The following ALLC variants were observed in gnomAD, a reference collection of about 807,000 sequenced individuals.
ALLC encodes probable inactive allantoicase.
Under a neutral mutation model 45.0 loss-of-function variants are expected in ALLC, and 40 were observed. The ratio of observed to expected loss-of-function variants is 0.89; its 90% confidence interval spans 0.69 to 1.16. The LOEUF (loss-of-function observed/expected upper bound fraction) is 1.16, where lower values mean the gene tolerates loss of function less well. ALLC is among the 50% of genes most tolerant of loss of function. The probability of loss-of-function intolerance (pLI) is 0.00; values close to 1 mark genes in which losing one functional copy is unlikely to be tolerated. For synonymous variants in ALLC, 176 were observed against 178.1 expected, an observed-to-expected ratio of 0.99 and a Z score of 0.09; for missense variants, 488 against 493.1, an observed-to-expected ratio of 0.99 and a Z score of 0.10.
intron 10 of ALLC, 96 bp downstream of exon 10, chr2:3,697,552 G>A (rs747155239): frequency 6.1e-5 from 58 of 946,556 alleles, no homozygotes; most frequent in Non-Finnish European, 8.8e-5. Context: ...TGGACTTTCG[G>A]TGTGGATTCC....
At position 3,680,178 on chromosome 2, in the gene ALLC, G is replaced by A. The variant is rs572478362; in HGVS notation, c.298+184G>A. 3.3e-5 allele frequency among the ~76,000 whole-genome samples: 5 copies of A among 152,298 alleles called. No homozygotes were observed. The South Asian group carries it at 1.0e-3, about 32-fold the overall frequency. ...CCTAGTAGAGCGCTCTGTGGTTTTT[G>A]ATTTGTGGCTTAATAGTGTTAACAG... On this transcript the variant is annotated intron_variant, in intron 5 of 11. Coordinates refer to ENST00000252505, the MANE Select transcript of ALLC (RefSeq NM_018436.4). The surrounding 1 kb of genome is among the most constrained non-coding windows in gnomAD (Gnocchi z 4.0).
In ALLC at chr2:3,660,862, G is replaced by T. The variant is rs568169460; in HGVS notation, c.-63+2568G>T. ...TGGAGCAGGTGATCGGAATGAGTCAGGGTGGAGCAGGTGATCGGAATGAGT... is the reference window on the plus strand; with the variant it reads ...TGGAGCAGGTGATCGGAATGAGTCATGGTGGAGCAGGTGATCGGAATGAGT... On this transcript the variant is annotated intron_variant, in intron 1 of 11. Transcript: ENST00000252505. Among the ~76,000 whole-genome samples, 3 of 152,172 alleles carry T rather than the reference G, an allele frequency of 2.0e-5. No homozygotes were observed. In the South Asian group the frequency reaches 6.2e-4, roughly 32 times the overall value.
intron 7 of ALLC, chr2:3,695,372 T>C (rs1385129799): frequency 3.8e-6 from 1 of 263,038 alleles, no homozygotes; most frequent in Non-Finnish European, 7.3e-6. Flanking sequence ...CTGGAGTAAA[T>C]AACAAAGAGA....
rs1666629517 is a variant in ALLC, at chr2:3,663,685, G to T, written c.-63+5391G>T. The stretch of plus-strand genomic sequence containing the variant: ...AGATGGTTTTGCAGTGTCATTGAGG[G>T]TTTCCTATGTTGATGAATGGTTACT... On this transcript the variant is annotated intron_variant, in intron 1 of 11. Coordinates refer to ENST00000252505, the MANE Select transcript of ALLC (RefSeq NM_018436.4). Among the ~76,000 whole-genome samples the T allele has an allele frequency of 3.3e-5, 5 of 152,212 alleles. No homozygotes were observed. The South Asian group carries it at 1.0e-3, about 32-fold the overall frequency.
chr2:3,659,712 C>G (rs548364432), intron 1 of ALLC, among the ~76,000 whole-genome samples: 2 of 152,324 alleles, frequency 1.3e-5, no homozygotes, highest in South Asian at 4.1e-4. Context: ...GCGCAAGAGT[C>G]GTGGAGCTGT....
At position 3,702,263 on chromosome 2, in the gene ALLC, TC is replaced by T. The variant is rs938631724; in HGVS notation, c.976-99del. The T allele has an allele frequency of 7.3e-6, 7 of 952,594 alleles. No homozygotes were observed. The African/African-American group carries it at 8.4e-5, about 11-fold the overall frequency. The allele number at this position is 952,594 out of a possible 1,614,324, so 59.0% of individuals were successfully genotyped here. A position where few individuals can be genotyped will look rare whatever the true frequency, so the allele number is the denominator to read the frequency against. On this transcript the variant is annotated intron_variant, in intron 11 of 11. Coordinates refer to ENST00000252505, the MANE Select transcript of ALLC (RefSeq NM_018436.4). The stretch of plus-strand genomic sequence containing the variant: ...ATTAATAACTTATTTTAAAGCCCCT[TC>T]GGTTAAGTCTAAGCCAAAGGTTTGC...
chr2:3,688,601 G>T, intron 7 of ALLC: 1 of 205,678 alleles, frequency 4.9e-6, no homozygotes, highest in South Asian at 7.3e-5. Flanking sequence ...ATAAACATAA[G>T]GGGCATCAGC....
chr2:3,699,274 G>A (rs1274112282), intron 10 of ALLC, among the ~76,000 whole-genome samples: 4 of 152,080 alleles, frequency 2.6e-5, no homozygotes, highest in Non-Finnish European at 4.4e-5. Context: ...CTGTTCCTGC[G>A]TTAGTTTGCC....
chr2:3,670,351 T>C (rs906424979), intron 1 of ALLC, among the ~76,000 whole-genome samples: 2 of 152,076 alleles, frequency 1.3e-5, no homozygotes, highest in African/African-American at 4.8e-5. Context: ...CCATGAGGGG[T>C]AGAGAAAAGG....
At chr2:3,701,461 A>G in intron 10 of ALLC, 51 bp from the exon 11 acceptor site, 1 of 1,532,140 alleles carries the variant, frequency 6.5e-7, no homozygotes, top group Non-Finnish European at 8.8e-7. Flanking sequence ...CCTATACGCC[A>G]AACTGAGTGC....
Position 3,687,515 on chromosome 2 carries a change from T to C in ALLC, c.511+4441T>C, listed in dbSNP as rs138397381. Among the ~76,000 whole-genome samples the C allele has an allele frequency of 7.9e-5, 12 of 151,102 alleles. No individual in the cohort carries two copies. In the East Asian group the frequency reaches 2.2e-3, roughly 27 times the overall value. On this transcript the variant is annotated intron_variant, in intron 7 of 11. Coordinates refer to ENST00000252505, the MANE Select transcript of ALLC (RefSeq NM_018436.4). ...TGAAGAGTTTGAGTAAAATTGGTAT[T>C]AGTTATTCCTTTTATGTTTGGTAGA...
intron 1 of ALLC, among the ~76,000 whole-genome samples, chr2:3,668,923 G>A (rs1376447499): frequency 2.6e-5 from 4 of 152,072 alleles, no homozygotes; most frequent in Admixed American, 2.6e-4. Flanking sequence ...CCCCAGGTGG[G>A]TAAAAATATC....
chr2:3,664,701 T>C (rs545187580), intron 1 of ALLC, among the ~76,000 whole-genome samples: 30 of 152,176 alleles, frequency 2.0e-4, no homozygotes, highest in African/African-American at 6.7e-4. Flanking sequence ...CCGGGCAACA[T>C]AGTGAGACCC....
intron 10 of ALLC, among the ~76,000 whole-genome samples, chr2:3,700,579 C>T (rs752160948): frequency 2.9e-4 from 44 of 152,206 alleles, no homozygotes; most frequent in Middle Eastern, 3.4e-3. Context: ...CTGGTACATA[C>T]AATATGATGA....
At chr2:3,664,961 T>C (rs1289739183) in intron 1 of ALLC, among the ~76,000 whole-genome samples, 1 of 151,352 alleles carries the variant, frequency 6.6e-6, no homozygotes, top group East Asian at 1.9e-4. Flanking sequence ...AAACACAAAC[T>C]TAGTCTTGAA....
intron 2 of ALLC, among the ~76,000 whole-genome samples, chr2:3,673,603 T>A (rs763082454): frequency 2.6e-5 from 4 of 152,220 alleles, no homozygotes; most frequent in Non-Finnish European, 5.9e-5. Context: ...ACAATTAGTA[T>A]CATTGACCTC....
At chr2:3,652,251 G>A in the ALLC span, among the ~76,000 whole-genome samples, 2 of 152,236 alleles carry the variant, frequency 1.3e-5, no homozygotes, top group South Asian at 4.1e-4. Context: ...CTATGGAAGC[G>A]GCTGTGCTGC....
intron 1 of ALLC, 138 bp from the exon 2 acceptor site, chr2:3,670,958 C>G: frequency 1.7e-6 from 1 of 599,418 alleles, no homozygotes. Context: ...GGGCACCTGT[C>G]AGGTACAGTT....
rs761902755 is a variant in ALLC at position 3,701,750 on chromosome 2, G to A, written c.975+114G>A. 44 of 1,287,288 alleles carry A rather than the reference G, an allele frequency of 3.4e-5. No homozygotes were observed. In the South Asian group the frequency reaches 5.5e-4, roughly 16 times the overall value. 79.7% of individuals were successfully genotyped at this position (1,287,288 alleles called of 1,614,324 possible). A position where few individuals can be genotyped will look rare whatever the true frequency, so the allele number is the denominator to read the frequency against. On this transcript the variant is annotated intron_variant, in intron 11 of 11. Coordinates refer to ENST00000252505, the MANE Select transcript of ALLC (RefSeq NM_018436.4). Reference sequence around the variant, plus strand: ...TTTCTGCTCAGTTTAATGGTAAAACGAATGAGGTTTAAAACCCCTATCTGC... The same window carrying A: ...TTTCTGCTCAGTTTAATGGTAAAACAAATGAGGTTTAAAACCCCTATCTGC...
Sources: allele counts gnomAD v4.1 joint callset (sites outside exome capture counted in the v4.1 genomes callset), GRCh38; gene constraint gnomAD v4.1.1; non-coding constraint Gnocchi (gnomAD v3.1); transcripts MANE v1.5; gene names NCBI Gene and HGNC (gene_info 2026-07-23, HGNC 2026-07-21).